Variants in SHOX observed in about 807,000 individuals in gnomAD.
SHOX encodes the protein SHOX homeobox, also known as short stature homeobox protein.
A neutral mutation model predicts 29.6 loss-of-function variants in SHOX; 12 were observed. The observed-to-expected ratio is 0.41, with a 90% CI of 0.26 to 0.66. The LOEUF (loss-of-function observed/expected upper bound fraction) is 0.66. SHOX is among the 30% of genes least tolerant of loss of function. The pLI, the probability that SHOX is intolerant of heterozygous loss-of-function variation, is 0.35. For missense variants in SHOX, 499 were observed against 437.7 expected, an observed-to-expected ratio of 1.14 and a Z score of -1.25; for synonymous variants, 214 against 200.6, an observed-to-expected ratio of 1.07 and a Z score of -0.57.
Position 649,792 on chromosome X carries a change from C to G in SHOX, c.*5156C>G. The G allele has an allele frequency of 2.4e-6, 1 of 414,808 alleles. No homozygotes were observed. The highest frequency in any genetic ancestry group is 4.8e-6 in the Non-Finnish European group (1 of 208,048). 25.7% of individuals were successfully genotyped at this position (414,808 alleles called of 1,614,324 possible). A position where few individuals can be genotyped will look rare whatever the true frequency, so the allele number is the denominator to read the frequency against. On this transcript the variant is annotated 3_prime_UTR_variant, in exon 5 of 5. Coordinates refer to ENST00000686671, the MANE Select transcript of SHOX (RefSeq NM_000451.4). Reference sequence around the variant, plus strand: ...ATTGATACGTATTTTCTTCCCTCCTCTCCCCAAAACTTGGCCAAATAGTCC... The same window carrying G: ...ATTGATACGTATTTTCTTCCCTCCTGTCCCCAAAACTTGGCCAAATAGTCC...
intron 2 of SHOX, among the ~76,000 whole-genome samples, chrX:635,930 A>G (rs756904260): frequency 6.6e-6 from 1 of 152,046 alleles, no homozygotes; most frequent in Non-Finnish European, 1.5e-5. Context: ...AAAATAAATG[A>G]AATTAAGATT....
chrX:639,122 T>C, intron 2 of SHOX, among the ~76,000 whole-genome samples: 1 of 151,860 alleles, frequency 6.6e-6, no homozygotes, highest in East Asian at 1.9e-4. Context: ...TGAGAGGGGG[T>C]GGAATTTGCA....
rs756904741 is a variant in SHOX at position 641,117 on chromosome X, C to A, written c.633+30C>A. 1.2e-5 allele frequency: 19 copies of A among 1,594,580 alleles called. No individual in the cohort carries two copies. The South Asian group carries it at 1.8e-4, about 15-fold the overall frequency. On this transcript the variant is annotated intron_variant, in intron 4 of 4. Coordinates refer to ENST00000686671, the MANE Select transcript of SHOX (RefSeq NM_000451.4). Reference sequence around the variant, plus strand: ...CTCACTTTTTCTTCCTCTGAAGATCCCTAGGGACCTGCTGCTCCCTTCCCC... The same window carrying A: ...CTCACTTTTTCTTCCTCTGAAGATCACTAGGGACCTGCTGCTCCCTTCCCC...
intron 4 of SHOX, 198 bp from the exon 5 acceptor site, chrX:644,193 C>A (rs964109339): frequency 3.3e-6 from 1 of 305,098 alleles, no homozygotes; most frequent in Non-Finnish European, 4.8e-6. Context: ...CCGGCTCCCG[C>A]GGATGCATCC....
chrX:649,404 C>A lies in SHOX; in HGVS notation c.*4768C>A, dbSNP rs191997804. On this transcript the variant is annotated 3_prime_UTR_variant, in exon 5 of 5. Coordinates refer to ENST00000686671, the MANE Select transcript of SHOX (RefSeq NM_000451.4). ...ATGGGGACCCTCTGTATGTGATGTG[C>A]GTGGGTTTGGTTTCCCGGAAGGCCC... Among the ~76,000 whole-genome samples the A allele has an allele frequency of 2.4e-4, 37 of 152,190 alleles. No individual in the cohort carries two copies. The highest frequency in any genetic ancestry group is 8.2e-4 in the African/African-American group (34 of 41,532).
At chrX:643,221 CACCTGGTGTCCTGGGGAGAGGCTTGGGG>C (rs1419255129) in intron 4 of SHOX, among the ~76,000 whole-genome samples, 18 of 108,370 alleles carry the variant, frequency 1.7e-4, no homozygotes, top group Non-Finnish European at 3.1e-4. Flanking sequence ...GAGGCTTGGA[CACCTGGTGTCCTGGGGAGAGGCTTGGGG>C]ACCTGGTGTC....
rs1485067979 is a variant in SHOX, at chrX:631,975, T to C, written c.277+801T>C. ...GGGCCCCCGGAGATCACGGGAAGAC[T>C]CGAGGCTGCGTGGTAGGAGACGGGA... On this transcript the variant is annotated intron_variant, in intron 1 of 4. Transcript: ENST00000686671. 5 of 455,954 alleles carry C rather than the reference T, an allele frequency of 1.1e-5. No homozygotes were observed. The Admixed American group carries it at 1.2e-4, about 11-fold the overall frequency. The allele number at this position is 455,954 out of a possible 1,614,324, so 28.2% of individuals were successfully genotyped here. A position where few individuals can be genotyped will look rare whatever the true frequency, so the allele number is the denominator to read the frequency against.
intron 4 of SHOX, among the ~76,000 whole-genome samples, chrX:642,229 G>C (rs1288637441): frequency 1.3e-5 from 2 of 152,234 alleles, no homozygotes; most frequent in African/African-American, 2.4e-5. Flanking sequence ...CGCAGCGCCC[G>C]GCTGCGGTGC....
intron 2 of SHOX, 122 bp downstream of exon 2, chrX:634,948 G>C: frequency 9.5e-7 from 1 of 1,049,604 alleles, no homozygotes; most frequent in Non-Finnish European, 1.4e-6. Flanking sequence ...GCGCGGGGAG[G>C]TTGGGTGAGG....
chrX:626,393 GTA>G (rs2052534699), upstream of SHOX, among the ~76,000 whole-genome samples: 1 of 110,092 alleles, frequency 9.1e-6, no homozygotes, highest in African/African-American at 3.3e-5. Context: ...GTCTCTGTCT[GTA>G]TCTCTATCTC....
rs1245740859 is a variant in SHOX, at chrX:646,203, C to G, written c.*1567C>G. The G allele has an allele frequency of 6.6e-6, 1 of 152,204 alleles. No individual in the cohort carries two copies. Among genetic ancestry groups the G allele is most frequent in the Non-Finnish European group, 1.5e-5 (1 of 68,066 alleles). 9.4% of individuals were successfully genotyped at this position (152,204 alleles called of 1,614,324 possible). ...AACAGCAGATAGCAACTTGTCGTCA[C>G]AGCTGGCATGGGCTGGACAGTTGCT... On this transcript the variant is annotated 3_prime_UTR_variant, in exon 5 of 5. Transcript: ENST00000686671.
rs1010198784 is a variant in SHOX, at chrX:645,055, T to G, written c.*419T>G. 2.3e-5 allele frequency: 4 copies of G among 175,026 alleles called. No homozygotes were observed. Among genetic ancestry groups the G allele is most frequent in the African/African-American group, 9.4e-5 (4 of 42,396 alleles). The allele number at this position is 175,026 out of a possible 1,614,324, so 10.8% of individuals were successfully genotyped here. ...GCTGGTCTCCGATGAAAATGCCATT[T>G]CTTCGTTGCCAACGATTTTCTTTAC... On this transcript the variant is annotated 3_prime_UTR_variant, in exon 5 of 5. Coordinates refer to ENST00000686671, the MANE Select transcript of SHOX (RefSeq NM_000451.4).
chrX:639,525 G>T (rs1167427700), intron 2 of SHOX, among the ~76,000 whole-genome samples: 2 of 152,228 alleles, frequency 1.3e-5, no homozygotes, highest in Non-Finnish European at 1.5e-5. Context: ...TGTGGCTAAA[G>T]TCTGAAGGTG....
chrX:624,876 T>C (rs2052481987), intron 1 of SHOX, among the ~76,000 whole-genome samples: 8 of 72,324 alleles, frequency 1.1e-4, no homozygotes, highest in African/African-American at 7.8e-4. Flanking sequence ...CTTTCTTTCT[T>C]TCTTTCTTTC....
chrX:648,306 G>A lies in SHOX; in HGVS notation c.*3670G>A, dbSNP rs1481746621. Among the ~76,000 whole-genome samples the A allele has an allele frequency of 6.7e-6, 1 of 148,608 alleles. No homozygotes were observed. Among genetic ancestry groups the A allele is most frequent in the Non-Finnish European group, 1.5e-5 (1 of 67,386 alleles). ...TACAGGCACCTGCCACCAGGCCTGG[G>A]TAACTTTCTGGTAGTTTTAGTAGAG... On this transcript the variant is annotated 3_prime_UTR_variant, in exon 5 of 5. Transcript: ENST00000686671.
chrX:640,274 G>A (rs1320342443), intron 2 of SHOX, among the ~76,000 whole-genome samples: 1 of 152,152 alleles, frequency 6.6e-6, no homozygotes, highest in Admixed American at 6.5e-5. Flanking sequence ...GAATCTGGGA[G>A]GTGGAGGTTG....
At chrX:653,920 TAA>T (rs35084973), downstream of SHOX, among the ~76,000 whole-genome samples, 2 of 148,458 alleles carry the variant, frequency 1.3e-5, no homozygotes, top group South Asian at 2.1e-4. Context: ...GAGTTGTCGT[TAA>T]AAAAAAAAAG....
In SHOX at chrX:650,239, A is replaced by G. The variant is rs1269431555; in HGVS notation, c.*5603A>G. Among the ~76,000 whole-genome samples the G allele has an allele frequency of 1.3e-5, 2 of 152,156 alleles. No homozygotes were observed. Among genetic ancestry groups the G allele is most frequent in the African/African-American group, 4.8e-5 (2 of 41,452 alleles). ...TCCAACACCCGTTTTTCCACTTACAAAGCTGGTGGTGCGACGGGCTTGGTG... is the reference window on the plus strand; with the variant it reads ...TCCAACACCCGTTTTTCCACTTACAGAGCTGGTGGTGCGACGGGCTTGGTG... On this transcript the variant is annotated 3_prime_UTR_variant, in exon 5 of 5. Transcript: ENST00000686671.
rs1022626611 is a variant in SHOX, at chrX:650,015, T to C, written c.*5379T>C. The C allele has an allele frequency of 8.8e-6, 4 of 455,950 alleles. No individual in the cohort carries two copies. The highest frequency in any genetic ancestry group is 8.0e-5 in the African/African-American group (4 of 50,070). The allele number at this position is 455,950 out of a possible 1,614,324, so 28.2% of individuals were successfully genotyped here. A position where few individuals can be genotyped will look rare whatever the true frequency, so the allele number is the denominator to read the frequency against. On this transcript the variant is annotated 3_prime_UTR_variant, in exon 5 of 5. Transcript: ENST00000686671. Reference sequence around the variant, plus strand: ...TTCTTTCTCCGTTCGAGTCTCTGACTGGTGCATACTTTGCAAAGGTGTGTT... The same window carrying C: ...TTCTTTCTCCGTTCGAGTCTCTGACCGGTGCATACTTTGCAAAGGTGTGTT...
Sources: gnomAD v4.1 joint callset for allele counts (sites outside exome capture counted in the v4.1 genomes callset) on GRCh38, gnomAD v4.1.1 for gene constraint, MANE v1.5 for transcripts, NCBI Gene and HGNC (gene_info 2026-07-23, HGNC 2026-07-21) for gene names.